NRG1: variants seen among roughly 807,000 people sequenced by gnomAD.
NRG1 encodes neuregulin 1, also known as pro-neuregulin-1, membrane-bound isoform.
Under a neutral mutation model 63.8 loss-of-function variants are expected in NRG1, and 18 were observed. The ratio of observed to expected loss-of-function variants is 0.28; its 90% confidence interval spans 0.19 to 0.42. The LOEUF (loss-of-function observed/expected upper bound fraction) is 0.42, where lower values mean the gene tolerates loss of function less well. Among genes scored for constraint, NRG1 ranks in the 10% least tolerant of loss-of-function variants. The pLI, the probability that NRG1 is intolerant of heterozygous loss-of-function variation, is 1.00. For synonymous variants in NRG1, 302 were observed against 301.3 expected (o/e 1.00, Z -0.02); for missense variants, 762 against 814.7 (o/e 0.94, Z 0.79).
chr8:32,264,780 T>C (rs1850737998), intron 1 of NRG1, among the ~76,000 whole-genome samples: 1 of 151,892 alleles, frequency 6.6e-6, no homozygotes, highest in South Asian at 2.1e-4. Flanking sequence ...AAATTACTGC[T>C]CTATTAGTGG....
exon 12 of NRG1, chr8:32,767,566 T>C (rs1230193278): frequency 1.3e-5 from 2 of 152,196 alleles, no homozygotes; most frequent in Non-Finnish European, 2.9e-5. Context: ...TACTGTCTTT[T>C]TGAGTTAATG....
At chr8:32,602,689 A>T (rs886461383) in intron 2 of NRG1, among the ~76,000 whole-genome samples, 1 of 152,156 alleles carries the variant, frequency 6.6e-6, no homozygotes, top group African/African-American at 2.4e-5. Context: ...GATATTGTTC[A>T]TAATTTATCT....
intron 1 of NRG1, among the ~76,000 whole-genome samples, chr8:31,708,724 C>T (rs930630756): frequency 2.0e-5 from 3 of 152,112 alleles, no homozygotes; most frequent in Admixed American, 1.3e-4. Flanking sequence ...GGATTACAGG[C>T]GTGAGCCACC....
intron 1 of NRG1, among the ~76,000 whole-genome samples, chr8:32,460,148 A>T (rs1391959974): frequency 6.6e-6 from 1 of 152,208 alleles, no homozygotes; most frequent in African/African-American, 2.4e-5. Context: ...AGGGTTTGGC[A>T]CACAGATGTT....
intron 1 of NRG1, among the ~76,000 whole-genome samples, chr8:32,138,159 T>C (rs2131697845): frequency 6.6e-6 from 1 of 152,236 alleles, no homozygotes; most frequent in South Asian, 2.1e-4. Context: ...CATCTGCTGA[T>C]TTGGCAAACA....
intron 1 of NRG1, among the ~76,000 whole-genome samples, chr8:31,858,602 A>T (rs1207526193): frequency 6.6e-6 from 1 of 152,168 alleles, no homozygotes; most frequent in East Asian, 1.9e-4. Context: ...CCAAAGCCAA[A>T]CTTACACCAA....
At chr8:32,374,543 G>C (rs943131105) in intron 1 of NRG1, among the ~76,000 whole-genome samples, 1 of 152,182 alleles carries the variant, frequency 6.6e-6, no homozygotes, top group Non-Finnish European at 1.5e-5. Flanking sequence ...GCTGTTGTTT[G>C]ACGAATAGCA....
intron 1 of NRG1, among the ~76,000 whole-genome samples, chr8:31,713,313 T>G (rs1239788275): frequency 6.6e-6 from 1 of 151,818 alleles, no homozygotes; most frequent in Non-Finnish European, 1.5e-5. Context: ...AGACGGGGTT[T>G]CACTGTGTTA....
intron 6 of NRG1, among the ~76,000 whole-genome samples, chr8:32,739,002 G>A (rs1233446193): frequency 6.6e-6 from 1 of 152,090 alleles, no homozygotes; most frequent in Non-Finnish European, 1.5e-5. Context: ...ATGATGTTGG[G>A]GTTTTCTAGC....
intron 1 of NRG1, among the ~76,000 whole-genome samples, chr8:32,534,201 A>G (rs1296330460): frequency 6.6e-6 from 1 of 152,122 alleles, no homozygotes; most frequent in Admixed American, 6.5e-5. Flanking sequence ...GATCTAAAAC[A>G]TTTAGGACAG....
intron 1 of NRG1, among the ~76,000 whole-genome samples, chr8:31,975,517 T>C (rs181075569): frequency 5.3e-4 from 81 of 152,322 alleles, no homozygotes; most frequent in African/African-American, 1.8e-3. Context: ...TGTTGAATAC[T>C]AAACTCATGG....
chr8:31,730,565 A>G (rs1257367622), intron 1 of NRG1, among the ~76,000 whole-genome samples: 1 of 152,198 alleles, frequency 6.6e-6, no homozygotes, highest in African/African-American at 2.4e-5. Flanking sequence ...TTTGCTATCA[A>G]TTTGGCTAGA....
intron 5 of NRG1, among the ~76,000 whole-genome samples, chr8:32,653,558 A>G (rs774785862): frequency 4.3e-4 from 65 of 152,330 alleles, no homozygotes; most frequent in Admixed American, 5.9e-4. Context: ...GAGTAGTGAG[A>G]AAAATTTGAT....
chr8:31,670,430 C>T (rs186308998), intron 1 of NRG1, among the ~76,000 whole-genome samples: 35 of 152,248 alleles, frequency 2.3e-4, no homozygotes, highest in Non-Finnish European at 1.0e-4. Context: ...CTTGTATTGC[C>T]ATTACCTCAT....
chr8:31,823,466 A>T (rs1824208752), intron 1 of NRG1, among the ~76,000 whole-genome samples: 1 of 152,056 alleles, frequency 6.6e-6, no homozygotes, highest in African/African-American at 2.4e-5. Context: ...TTTATATTAT[A>T]CCACATTTAT....
intron 1 of NRG1, among the ~76,000 whole-genome samples, chr8:31,798,357 A>G (rs1821438472): frequency 6.6e-6 from 1 of 152,224 alleles, no homozygotes; most frequent in Non-Finnish European, 1.5e-5. Context: ...TGTCAACTAA[A>G]AATAAGAGGG....
At chr8:31,662,591 G>A (rs939337856) in intron 1 of NRG1, among the ~76,000 whole-genome samples, 8 of 152,168 alleles carry the variant, frequency 5.3e-5, no homozygotes, top group African/African-American at 1.9e-4. Context: ...TCCAGGAACT[G>A]TTTGTGTGAG....
intron 1 of NRG1, among the ~76,000 whole-genome samples, chr8:32,542,980 G>A (rs1832718001): frequency 6.6e-6 from 1 of 152,160 alleles, no homozygotes; most frequent in Non-Finnish European, 1.5e-5. Context: ...CAAAATGATT[G>A]TCACAGTAGG....
At chr8:32,231,599 T>G (rs1846950755) in intron 1 of NRG1, among the ~76,000 whole-genome samples, 1 of 152,108 alleles carries the variant, frequency 6.6e-6, no homozygotes, top group Non-Finnish European at 1.5e-5. Context: ...ATATGGCACT[T>G]TAAATTAAAG....
Sources: allele counts gnomAD v4.1 joint callset (sites outside exome capture counted in the v4.1 genomes callset), GRCh38; gene constraint gnomAD v4.1.1; transcripts MANE v1.5; gene names NCBI Gene and HGNC (gene_info 2026-07-23, HGNC 2026-07-21).